SF3B1: variants seen among roughly 807,000 people sequenced by gnomAD.
SF3B1 encodes the protein pre-mRNA processing 10.
Under a neutral mutation model 153.8 loss-of-function variants are expected in SF3B1, and 12 were observed. The observed-to-expected ratio is 0.08, with a 90% CI of 0.05 to 0.13. The LOEUF is 0.13. Ranked by LOEUF, SF3B1 falls within the 10% of genes least tolerant of loss-of-function variation. The pLI, the probability that SF3B1 is intolerant of heterozygous loss-of-function variation, is 1.00. For missense variants in SF3B1, 513 were observed against 1,606.1 expected (o/e 0.32, Z 11.63); for synonymous variants, 498 against 525.2 (o/e 0.95, Z 0.71).
In SF3B1 at chr2:197,400,437, A is replaced by G. The variant is rs750100051; in HGVS notation, c.2719-3T>C. The G allele has an allele frequency of 3.2e-6, 5 of 1,585,460 alleles. No individual in the cohort carries two copies. The highest frequency in any genetic ancestry group is 3.4e-6 in the Non-Finnish European group (4 of 1,168,964). On this transcript the variant is annotated splice_region_variant and splice_polypyrimidine_tract_variant and intron_variant, in intron 18 of 24. Transcript: ENST00000335508. The surrounding 1 kb of genome is among the most constrained non-coding windows in gnomAD (Gnocchi z 5.0). Reference sequence around the variant, plus strand: ...AAGCCGTTCAACATTACTGAGTCCTAAAAAATAAATTTAAAAAAAAGACAT... The same window carrying G: ...AAGCCGTTCAACATTACTGAGTCCTGAAAAATAAATTTAAAAAAAAGACAT...
chr2:197,409,743 C>T (rs1446927881), intron 7 of SF3B1, 27 bp downstream of exon 7: 2 of 1,530,226 alleles, frequency 1.3e-6, no homozygotes, highest in African/African-American at 2.7e-5. Context: ...ACATTTCACC[C>T]ACACACCCAT....
Position 197,391,963 on chromosome 2 carries a change from A to C in SF3B1, c.*340T>G, listed in dbSNP as rs547748315. ...GCATTTTACAAGTCATGTTCAAAAA[A>C]CACACACAAATTAGCATTTTGTACA... On this transcript the variant is annotated 3_prime_UTR_variant, in exon 25 of 25. Coordinates refer to ENST00000335508, the MANE Select transcript of SF3B1 (RefSeq NM_012433.4). The C allele has an allele frequency of 7.1e-4, 146 of 206,008 alleles. No individual in the cohort carries two copies. The highest frequency in any genetic ancestry group is 1.2e-3 in the Non-Finnish European group (117 of 100,896). The allele number at this position is 206,008 out of a possible 1,614,324, so 12.8% of individuals were successfully genotyped here. A position where few individuals can be genotyped will look rare whatever the true frequency, so the allele number is the denominator to read the frequency against.
chr2:197,407,866 C>T lies in SF3B1; in HGVS notation c.1239+132G>A, dbSNP rs2085015246. On this transcript the variant is annotated intron_variant, in intron 9 of 24. Coordinates refer to ENST00000335508, the MANE Select transcript of SF3B1 (RefSeq NM_012433.4). ...ATCTCTATATGGAACTGAAATATAC[C>T]TGGAAATAGCTAAGAGAATGGAATG... 8.4e-6 allele frequency: 6 copies of T among 716,886 alleles called. No individual in the cohort carries two copies. The East Asian group carries it at 1.1e-4, about 13-fold the overall frequency. 44.4% of individuals were successfully genotyped at this position (716,886 alleles called of 1,614,324 possible).
upstream of SF3B1, chr2:197,435,065 C>A (rs1026004652): frequency 3.7e-6 from 6 of 1,613,136 alleles, no homozygotes; most frequent in Admixed American, 6.7e-5. Context: ...GCCGCCGCCA[C>A]GGAGAAAAAT....
At chr2:197,418,994 T>C in intron 4 of SF3B1, 1 of 1,457,326 alleles carries the variant, frequency 6.9e-7, no homozygotes, top group African/African-American at 1.5e-5. Flanking sequence ...TTTGGAAAGA[T>C]ATTTATATTC....
chr2:197,408,517 A>C lies in SF3B1; in HGVS notation c.969T>G (p.Ile323Met), dbSNP rs755822917. 1.1e-5 allele frequency: 18 copies of C among 1,613,414 alleles called. No homozygotes were observed. The highest frequency in any genetic ancestry group is 1.7e-6 in the Non-Finnish European group (2 of 1,180,002). Residue 323 changes from isoleucine (I) to methionine (M), a missense_variant, in exon 8 of 25, where the codon ATT (isoleucine) becomes ATG (methionine). By Grantham distance (10) the Ile-to-Met change is conservative. Around this residue, in one of 21 missense-constraint regions of SF3B1, gnomAD observed 91 missense variants for 157.4 expected, o/e 0.58. Transcript: ENST00000335508. The stretch of plus-strand genomic sequence containing the variant: ...TGGCTCCAGGAGTCGGTGTTTCACC[A>C]ATAGAATCTCCACCTCGATCTGTTC... ...TPRTDRGGDS[I>M]GETPTPGASK...
intron 1 of SF3B1, among the ~76,000 whole-genome samples, chr2:197,424,824 C>G (rs1225674046): frequency 1.3e-5 from 2 of 152,202 alleles, no homozygotes; most frequent in Non-Finnish European, 2.9e-5. Flanking sequence ...TTCTTGCCAG[C>G]CCATGCTGAA....
At chr2:197,413,228 C>T (rs1031464348) in intron 6 of SF3B1, among the ~76,000 whole-genome samples, 1 of 151,994 alleles carries the variant, frequency 6.6e-6, no homozygotes. Context: ...TGGAGAAACC[C>T]TGTCTCTACT....
At chr2:197,404,052 T>TA (rs1445226411) in intron 11 of SF3B1, among the ~76,000 whole-genome samples, 3 of 152,194 alleles carry the variant, frequency 2.0e-5, no homozygotes, top group African/African-American at 7.2e-5. Flanking sequence ...AAGGCACATA[T>TA]AGTGTTAACA....
intron 4 of SF3B1, chr2:197,419,295 G>A (rs575581847): frequency 3.4e-5 from 10 of 290,892 alleles, no homozygotes; most frequent in South Asian, 3.2e-4. Flanking sequence ...GCAACGTGGT[G>A]TACAAAGAGA....
chr2:197,421,240 G>A, intron 2 of SF3B1, 107 bp from the exon 3 acceptor site: 1 of 707,396 alleles, frequency 1.4e-6, no homozygotes, highest in Non-Finnish European at 2.5e-6. Context: ...TTGACAGTGT[G>A]ATGTCTAAGC....
At chr2:197,424,484 T>A (rs2085299793) in intron 1 of SF3B1, among the ~76,000 whole-genome samples, 1 of 141,492 alleles carries the variant, frequency 7.1e-6, no homozygotes, top group African/African-American at 2.8e-5. Context: ...AGAGCAAGAC[T>A]CTATCTCTCA....
rs1488735164 is a variant in SF3B1 at position 197,418,578 on chromosome 2, G to C, written c.426C>G (p.Thr142=). 6.2e-7 allele frequency: 1 copy of C among 1,611,556 alleles called. No homozygotes were observed. The highest frequency in any genetic ancestry group is 1.1e-5 in the South Asian group (1 of 90,626). Reference sequence around the variant, plus strand: ...TCCTAGCATTCATTTTAGGATCAGGGGTTTTCCCTCCTGCAGAAAAGAACA... The same window carrying C: ...TCCTAGCATTCATTTTAGGATCAGGCGTTTTCCCTCCTGCAGAAAAGAACA... ...RLDPFADGGK[T]PDPKMNARTY... is the part of the protein sequence containing the mutation. The change falls in exon 5 of 25, where the codon ACC becomes ACG. Residue 142 remains threonine, a synonymous_variant. Transcript: ENST00000335508.
At chr2:197,404,959 G>C in intron 11 of SF3B1, 117 bp downstream of exon 11, 1 of 651,724 alleles carries the variant, frequency 1.5e-6, no homozygotes, top group Non-Finnish European at 2.6e-6. Flanking sequence ...AAAGCAGGAG[G>C]ATCACTTGAG....
At chr2:197,403,552 A>C in intron 12 of SF3B1, 33 bp downstream of exon 12, 1 of 1,432,324 alleles carries the variant, frequency 7.0e-7, no homozygotes, top group Non-Finnish European at 9.3e-7. Flanking sequence ...TTAAAACTTT[A>C]AACTATCAGA....
Position 197,392,195 on chromosome 2 carries a change from A to G in SF3B1, c.*108T>C, listed in dbSNP as rs190624281. 905 of 503,252 alleles carry G rather than the reference A, an allele frequency of 1.8e-3. 2 individuals are homozygous for G. The highest frequency in any genetic ancestry group is 2.4e-3 in the Non-Finnish European group (687 of 280,462). The allele number at this position is 503,252 out of a possible 1,614,324, so 31.2% of individuals were successfully genotyped here. ...CTACTGGATTTCTAGCTCTTCCTCT[A>G]TGACCAGTTCTACACTGATCTGCAA... On this transcript the variant is annotated 3_prime_UTR_variant, in exon 25 of 25. Transcript: ENST00000335508.
chr2:197,411,659 G>A (rs977149892), intron 6 of SF3B1, among the ~76,000 whole-genome samples: 1 of 150,448 alleles, frequency 6.6e-6, no homozygotes, highest in African/African-American at 2.4e-5. Context: ...GCGACAGAGT[G>A]AGACCCCGTC....
At chr2:197,418,897 C>T (rs2106008378) in intron 4 of SF3B1, 1 of 1,592,512 alleles carries the variant, frequency 6.3e-7, no homozygotes, top group East Asian at 2.3e-5. Flanking sequence ...AATACGTACA[C>T]TTTCGTGCCT....
intron 1 of SF3B1, among the ~76,000 whole-genome samples, chr2:197,431,098 T>TTTC (rs1427457372): frequency 6.9e-6 from 1 of 144,514 alleles, no homozygotes; most frequent in African/African-American, 2.6e-5. Flanking sequence ...TCCTGTGCCT[T>TTTC]TTCTTCTTTT....
Sources: gnomAD v4.1 joint callset for allele counts (sites outside exome capture counted in the v4.1 genomes callset) on GRCh38, gnomAD v4.1.1 for gene constraint, gnomAD v4.1.1 regional missense constraint, Gnocchi (gnomAD v3.1) non-coding constraint, MANE v1.5 for transcripts, NCBI Gene and HGNC (gene_info 2026-07-23, HGNC 2026-07-21) for gene names.